Variants in UGT1A8 observed in about 807,000 individuals in gnomAD.
UGT1A8 encodes UDP glucuronosyltransferase family 1 member A8, also known as UDP-glucuronosyltransferase 1A8.
UGT1A8 carries 39 observed loss-of-function variants against 45.3 expected under a neutral mutation model. The ratio of observed to expected loss-of-function variants is 0.86; its 90% CI spans 0.67 to 1.12. The LOEUF (loss-of-function observed/expected upper bound fraction) is 1.12. UGT1A8 is among the 50% of genes most tolerant of loss of function. The probability of loss-of-function intolerance (pLI) is 0.00; values close to 1 mark genes in which losing one functional copy is unlikely to be tolerated. For synonymous variants in UGT1A8, 275 were observed against 249.2 expected (o/e 1.10, Z -0.97); for missense variants, 719 against 664.9 (o/e 1.08, Z -0.90).
rs1178608845 is a variant in UGT1A8, at chr2:233,760,418, T to A, written c.856-6616T>A. The A allele has an allele frequency of 8.7e-6, 14 of 1,614,198 alleles. No homozygotes were observed. The highest frequency in any genetic ancestry group is 1.1e-5 in the Non-Finnish European group (13 of 1,180,018). On this transcript the variant is annotated intron_variant, in intron 1 of 4. Transcript: ENST00000373450. ...GATGGCAGCCACTGGCTGAGCATGC[T>A]TGGGGCCATCCAGCAGCTGCAGCAG...
intron 1 of UGT1A8, among the ~76,000 whole-genome samples, chr2:233,658,866 G>A (rs2073908991): frequency 6.6e-6 from 1 of 152,124 alleles, no homozygotes; most frequent in Admixed American, 6.6e-5. Context: ...GCTTTGTAAT[G>A]TCTTGAAATG....
chr2:233,636,351 T>G, intron 1 of UGT1A8: 5 of 1,147,658 alleles, frequency 4.4e-6, no homozygotes, highest in Non-Finnish European at 5.9e-6. Flanking sequence ...ATGATACTCG[T>G]GTGTTATCGT....
chr2:233,703,582 A>C (rs1020414492), intron 1 of UGT1A8, among the ~76,000 whole-genome samples: 3 of 152,068 alleles, frequency 2.0e-5, no homozygotes, highest in Admixed American at 6.5e-5. Flanking sequence ...GGTCTATATT[A>C]TCTTGCTTCA....
chr2:233,746,942 A>C (rs1693513672), intron 1 of UGT1A8, among the ~76,000 whole-genome samples: 1 of 151,778 alleles, frequency 6.6e-6, no homozygotes, highest in South Asian at 2.1e-4. Context: ...ATTGGATGAG[A>C]AACAAGAGCT....
At chr2:233,641,271 G>A (rs1243801512) in intron 1 of UGT1A8, among the ~76,000 whole-genome samples, 1 of 152,140 alleles carries the variant, frequency 6.6e-6, no homozygotes, top group African/African-American at 2.4e-5. Flanking sequence ...GTCTCAGAGA[G>A]TTGCCACCCA....
At chr2:233,697,544 C>A (rs2075397492) in intron 1 of UGT1A8, among the ~76,000 whole-genome samples, 1 of 149,170 alleles carries the variant, frequency 6.7e-6, no homozygotes, top group African/African-American at 2.5e-5. Flanking sequence ...TTGGTCTTTG[C>A]ATTGTTTATT....
At position 233,731,482 on chromosome 2, in the gene UGT1A8, G is replaced by T. The variant is rs562723642; in HGVS notation, c.856-35552G>T. Among the ~76,000 whole-genome samples the T allele has an allele frequency of 2.6e-5, 4 of 152,206 alleles. No individual in the cohort carries two copies. In the East Asian group the frequency reaches 7.7e-4, roughly 29 times the overall value. On this transcript the variant is annotated intron_variant, in intron 1 of 4. Transcript: ENST00000373450. ...CCTGGCGTGTGATGTTCCCTGGCCTGTGTCCAGTGTTCTTGCTGTTCAGTT... is the reference window on the plus strand; with the variant it reads ...CCTGGCGTGTGATGTTCCCTGGCCTTTGTCCAGTGTTCTTGCTGTTCAGTT...
chr2:233,719,525 C>T (rs2076777345), intron 1 of UGT1A8: 21 of 1,613,982 alleles, frequency 1.3e-5, no homozygotes, highest in Non-Finnish European at 1.8e-5. Context: ...CAAGTCTTGC[C>T]TCTGAGCTTT....
intron 1 of UGT1A8, 108 bp downstream of exon 1, chr2:233,618,670 T>A: frequency 6.6e-7 from 1 of 1,511,752 alleles, no homozygotes; most frequent in Non-Finnish European, 8.8e-7. Context: ...CATTTCAAAT[T>A]TCTTTCCAGT....
intron 4 of UGT1A8, chr2:233,770,022 T>G (rs12474441): frequency 0.019 from 3,075 of 161,660 alleles, 63 homozygotes; most frequent in Admixed American, 0.065. Context: ...CTTCTTTCCC[T>G]GCACTGTTGA....
chr2:233,640,375 A>T (rs1170641492), intron 1 of UGT1A8, among the ~76,000 whole-genome samples: 1 of 152,084 alleles, frequency 6.6e-6, no homozygotes, highest in Non-Finnish European at 1.5e-5. Flanking sequence ...TTGTCATTCC[A>T]TCATTGAATA....
intron 1 of UGT1A8, among the ~76,000 whole-genome samples, chr2:233,642,887 A>T (rs1044286397): frequency 2.0e-4 from 28 of 142,798 alleles, no homozygotes; most frequent in African/African-American, 6.9e-4. Flanking sequence ...TCTCTCTCTC[A>T]CTCTCTCTCT....
intron 1 of UGT1A8, among the ~76,000 whole-genome samples, chr2:233,644,879 A>C (rs1167344016): frequency 6.6e-6 from 1 of 152,156 alleles, no homozygotes; most frequent in African/African-American, 2.4e-5. Flanking sequence ...TTTCCTGTGT[A>C]GATAGTTGCT....
intron 1 of UGT1A8, among the ~76,000 whole-genome samples, chr2:233,723,507 G>A (rs1209315085): frequency 7.7e-6 from 1 of 130,328 alleles, no homozygotes; most frequent in African/African-American, 3.2e-5. Flanking sequence ...ACTGCACCTG[G>A]TCAACAATCT....
At chr2:233,764,054 A>G (rs995386532) in intron 1 of UGT1A8, among the ~76,000 whole-genome samples, 2 of 152,188 alleles carry the variant, frequency 1.3e-5, no homozygotes, top group African/African-American at 2.4e-5. Flanking sequence ...GGAAAATGAA[A>G]TGCATTTGGG....
At chr2:233,759,615 C>CACCT (rs1177524804) in intron 1 of UGT1A8, among the ~76,000 whole-genome samples, 1 of 149,432 alleles carries the variant, frequency 6.7e-6, no homozygotes, top group Non-Finnish European at 1.5e-5. Context: ...CCCACCCACC[C>CACCT]ACCTGTTCAT....
At position 233,628,259 on chromosome 2, in the gene UGT1A8, C is replaced by T. The variant is rs962119143; in HGVS notation, c.855+9697C>T. Among the ~76,000 whole-genome samples the T allele has an allele frequency of 1.1e-4, 16 of 152,016 alleles. 1 individual carries two copies. The highest frequency in any genetic ancestry group is 8.5e-4 in the Admixed American group (13 of 15,248). ...ATAACATGGTATCTGCACATGGTTT[C>T]TGCAGTCATGGCATAGCTTTAAAAA... is the stretch of plus-strand genomic sequence containing the variant. On this transcript the variant is annotated intron_variant, in intron 1 of 4. Transcript: ENST00000373450.
At chr2:233,744,074 G>C in intron 1 of UGT1A8, 1 of 470,704 alleles carries the variant, frequency 2.1e-6, no homozygotes, top group Non-Finnish European at 3.5e-6. Context: ...TGAGCGCCTC[G>C]CATCCCAAGA....
intron 1 of UGT1A8, among the ~76,000 whole-genome samples, chr2:233,671,593 C>A (rs535269675): frequency 4.9e-4 from 75 of 152,164 alleles, no homozygotes; most frequent in Non-Finnish European, 9.0e-4. Context: ...TAGCTTTAAT[C>A]AAATTTACTT....
Sources: gnomAD v4.1 joint callset for allele counts (sites outside exome capture counted in the v4.1 genomes callset) on GRCh38, gnomAD v4.1.1 for gene constraint, MANE v1.5 for transcripts, NCBI Gene and HGNC (gene_info 2026-07-23, HGNC 2026-07-21) for gene names.